ITGA2: variants seen among roughly 807,000 people sequenced by gnomAD.
ITGA2 encodes integrin alpha-2.
In ITGA2, 101 loss-of-function variants were observed where a neutral mutation model predicts 146.3. That is an observed-to-expected ratio of 0.69 (90% CI 0.59 to 0.81). The LOEUF (loss-of-function observed/expected upper bound fraction) is 0.81. Among genes scored for constraint, ITGA2 ranks in the 40% least tolerant of loss-of-function variants. The probability of loss-of-function intolerance (pLI) is 0.00; values close to 1 mark genes in which losing one functional copy is unlikely to be tolerated. For synonymous variants in ITGA2, 477 were observed against 487.1 expected (o/e 0.98, Z 0.27); for missense variants, 1,281 against 1,402.7 (o/e 0.91, Z 1.39).
intron 16 of ITGA2, among the ~76,000 whole-genome samples, chr5:53,069,844 G>T (rs1426036508): frequency 1.3e-5 from 2 of 151,740 alleles, no homozygotes; most frequent in African/African-American, 2.4e-5. Flanking sequence ...GTTTCCTGGC[G>T]GCAAGTCTAG....
In ITGA2 at chr5:53,054,274, C is replaced by A. The variant is rs76145463; in HGVS notation, c.780-1264C>A. Among the ~76,000 whole-genome samples, 5 of 152,060 alleles carry A rather than the reference C, an allele frequency of 3.3e-5. No individual in the cohort carries two copies. In the East Asian group the frequency reaches 7.7e-4, roughly 23 times the overall value. On this transcript the variant is annotated intron_variant, in intron 7 of 29. Transcript: ENST00000296585. Reference sequence around the variant, plus strand: ...ATTTCCTACTGTTTTAATCTAAGGTCTTCTCATTTCATTTACTTCATATAA... The same window carrying A: ...ATTTCCTACTGTTTTAATCTAAGGTATTCTCATTTCATTTACTTCATATAA...
chr5:53,053,166 A>G (rs1744464607), intron 7 of ITGA2, among the ~76,000 whole-genome samples: 1 of 152,056 alleles, frequency 6.6e-6, no homozygotes, highest in East Asian at 1.9e-4. Flanking sequence ...ACATCCTGTC[A>G]TTTCTATTTC....
chr5:53,004,834 A>G (rs1329970760), intron 1 of ITGA2, among the ~76,000 whole-genome samples: 2 of 149,502 alleles, frequency 1.3e-5, no homozygotes, highest in African/African-American at 4.9e-5. Context: ...CAGAACTTAA[A>G]TCTTTACACA....
intron 4 of ITGA2, 22 bp downstream of exon 4, chr5:53,045,114 C>A (rs1744012128): frequency 6.5e-7 from 1 of 1,538,912 alleles, no homozygotes. Flanking sequence ...CTTTACAAAT[C>A]ATTATTCCTC....
chr5:53,044,798 C>T (rs899631815), intron 3 of ITGA2, among the ~76,000 whole-genome samples: 5 of 152,216 alleles, frequency 3.3e-5, no homozygotes, highest in Non-Finnish European at 7.3e-5. Context: ...GTCTTATGCT[C>T]TGCAGCCTCA....
Position 53,081,640 on chromosome 5 carries a change from C to G in ITGA2, c.3088C>G (p.Gln1030Glu). ...NADINPLKIG[Q>E]TSSSVSFKSE... ...AGATATCAATCCACTGAAAATAGGACAAACATCTTCTTCTGTATCTTTCAA... is the reference window on the plus strand; with the variant it reads ...AGATATCAATCCACTGAAAATAGGAGAAACATCTTCTTCTGTATCTTTCAA... The change falls in exon 26 of 30, where the codon CAA (glutamine) becomes GAA (glutamate). Residue 1030 changes from glutamine to glutamate, a missense_variant. By Grantham distance (29) the Gln-to-Glu change is conservative. Around this residue, in one of 3 missense-constraint regions of ITGA2, gnomAD observed 475 missense variants for 530.5 expected, o/e 0.90. Coordinates refer to ENST00000296585, the MANE Select transcript of ITGA2 (RefSeq NM_002203.4). 6.2e-7 allele frequency: 1 copy of G among 1,613,232 alleles called. No individual in the cohort carries two copies. Among genetic ancestry groups the G allele is most frequent in the South Asian group, 1.1e-5 (1 of 91,030 alleles).
chr5:52,989,536 AGCGGGGATTTCGCTCT>A lies in ITGA2; in HGVS notation c.64+7_64+22del, dbSNP rs1246297132. 12 of 1,613,476 alleles carry A rather than the reference AGCGGGGATTTCGCTCT, an allele frequency of 7.4e-6. No homozygotes were observed. Among genetic ancestry groups the A allele is most frequent in the Non-Finnish European group, 9.3e-6 (11 of 1,179,826 alleles). On this transcript the variant is annotated splice_donor_5th_base_variant and intron_variant, in intron 1 of 29. Coordinates refer to ENST00000296585, the MANE Select transcript of ITGA2 (RefSeq NM_002203.4). ...CTGGTGTTAGCGCTCAGTCAAGGTAAGCGGGGATTTCGCTCTGCATCGGCTGCAGGAGGGACCCGCG... is the reference window on the plus strand; with the variant it reads ...CTGGTGTTAGCGCTCAGTCAAGGTAAGCATCGGCTGCAGGAGGGACCCGCG...
Position 53,064,870 on chromosome 5 carries a change from G to A in ITGA2, c.1603-42G>A, listed in dbSNP as rs773852450. The A allele has an allele frequency of 6.4e-6, 10 of 1,573,894 alleles. No homozygotes were observed. The East Asian group carries it at 1.6e-4, about 25-fold the overall frequency. On this transcript the variant is annotated intron_variant, in intron 13 of 29. Transcript: ENST00000296585. ...GCTCTGAATTTTAATTATACAAGTT[G>A]TAAGGTTTGCTTTAATCATCCTTTT...
Position 53,028,203 on chromosome 5 carries a change from C to T in ITGA2, c.185+1335C>T, listed in dbSNP as rs1023027820. Reference sequence around the variant, plus strand: ...GTTCAGGATCACATGTTGGGGCATGCCTGTCTATTTGATGAGGAAACAAAA... The same window carrying T: ...GTTCAGGATCACATGTTGGGGCATGTCTGTCTATTTGATGAGGAAACAAAA... On this transcript the variant is annotated intron_variant, in intron 2 of 29. Coordinates refer to ENST00000296585, the MANE Select transcript of ITGA2 (RefSeq NM_002203.4). Among the ~76,000 whole-genome samples, 6 of 152,252 alleles carry T rather than the reference C, an allele frequency of 3.9e-5. No individual in the cohort carries two copies. The East Asian group carries it at 1.2e-3, about 29-fold the overall frequency.
At chr5:53,028,539 C>T (rs1022655058) in intron 2 of ITGA2, among the ~76,000 whole-genome samples, 2 of 152,128 alleles carry the variant, frequency 1.3e-5, no homozygotes, top group African/African-American at 2.4e-5. Context: ...ACAATATGGT[C>T]GGTATATTTT....
chr5:53,016,446 T>C (rs1021478040), intron 1 of ITGA2, among the ~76,000 whole-genome samples: 3 of 152,220 alleles, frequency 2.0e-5, no homozygotes, highest in Non-Finnish European at 2.9e-5. Context: ...TTTCTGCTTA[T>C]AAGGTTCGTT....
At chr5:53,022,624 TG>T (rs1742745227) in intron 1 of ITGA2, among the ~76,000 whole-genome samples, 1 of 152,148 alleles carries the variant, frequency 6.6e-6, no homozygotes, top group South Asian at 2.1e-4. Context: ...TGCAGTGCAG[TG>T]GTGCCATCAT....
At chr5:53,003,672 C>T (rs1741691719) in intron 1 of ITGA2, among the ~76,000 whole-genome samples, 1 of 152,200 alleles carries the variant, frequency 6.6e-6, no homozygotes, top group Admixed American at 6.5e-5. Context: ...AAAGCAATCA[C>T]AAAGTCTCAC....
intron 1 of ITGA2, chr5:52,990,277 A>G (rs1561272028): frequency 6.6e-6 from 1 of 152,448 alleles, no homozygotes; most frequent in Non-Finnish European, 1.5e-5. Flanking sequence ...AGATGCCGCA[A>G]TGAGAGAATA....
At chr5:53,084,347 G>A (rs1252912984) in intron 27 of ITGA2, among the ~76,000 whole-genome samples, 2 of 151,318 alleles carry the variant, frequency 1.3e-5, no homozygotes, top group South Asian at 2.1e-4. Flanking sequence ...ACAACCAAAC[G>A]CTACTCATTT....
chr5:53,011,917 TAAAATG>T (rs1742152266), intron 1 of ITGA2, among the ~76,000 whole-genome samples: 1 of 152,140 alleles, frequency 6.6e-6, no homozygotes, highest in Non-Finnish European at 1.5e-5. Flanking sequence ...TTTGCCAACT[TAAAATG>T]TAAGTAATGA....
intron 9 of ITGA2, among the ~76,000 whole-genome samples, 200 bp downstream of exon 9, chr5:53,056,349 T>G (rs1384841079): frequency 6.6e-6 from 1 of 151,932 alleles, no homozygotes; most frequent in Admixed American, 6.6e-5. Context: ...CATAAGAAAA[T>G]ATTCCCAATT....
At chr5:53,045,545 CA>C (rs1239778014) in intron 4 of ITGA2, among the ~76,000 whole-genome samples, 1 of 151,998 alleles carries the variant, frequency 6.6e-6, no homozygotes, top group Non-Finnish European at 1.5e-5. Flanking sequence ...CATTTAGTTA[CA>C]AAAAGAGTAA....
chr5:53,052,360 T>A (rs1428229138), intron 7 of ITGA2, among the ~76,000 whole-genome samples: 1 of 152,104 alleles, frequency 6.6e-6, no homozygotes, highest in Non-Finnish European at 1.5e-5. Context: ...TGGTTTTCTG[T>A]TCCTATGTAA....
Sources: gnomAD v4.1 joint callset for allele counts (sites outside exome capture counted in the v4.1 genomes callset) on GRCh38, gnomAD v4.1.1 for gene constraint, gnomAD v4.1.1 regional missense constraint, MANE v1.5 for transcripts, NCBI Gene and HGNC (gene_info 2026-07-23, HGNC 2026-07-21) for gene names.